The following CFLAR variants were observed in gnomAD, a reference collection of about 807,000 sequenced individuals.
CFLAR encodes CASP8 and FADD like apoptosis regulator.
A neutral mutation model predicts 51.1 loss-of-function variants in CFLAR; 14 were observed. The ratio of observed to expected loss-of-function variants is 0.27; its 90% CI spans 0.18 to 0.43. CFLAR has a LOEUF of 0.43. CFLAR is among the 20% of genes least tolerant of loss of function. The pLI is 1.00. For synonymous variants in CFLAR, 210 were observed against 211.6 expected (o/e 0.99, Z 0.06); for missense variants, 390 against 566.5 (o/e 0.69, Z 3.16).
At chr2:201,145,525 C>G in intron 6 of CFLAR, 93 bp downstream of exon 6, 1 of 810,582 alleles carries the variant, frequency 1.2e-6, no homozygotes, top group Non-Finnish European at 2.1e-6. Context: ...TTTCCTTTAT[C>G]TACATAATCT....
chr2:201,126,583 G>A (rs1371864233), intron 1 of CFLAR, among the ~76,000 whole-genome samples: 1 of 152,164 alleles, frequency 6.6e-6, no homozygotes, highest in Non-Finnish European at 1.5e-5. Context: ...TAAAAACAAG[G>A]TTGGGCATTA....
chr2:201,135,449 A>G (rs1207973433), intron 3 of CFLAR, among the ~76,000 whole-genome samples: 1 of 152,204 alleles, frequency 6.6e-6, no homozygotes, highest in Admixed American at 6.5e-5. Flanking sequence ...CAAGGAGCAG[A>G]TTGATGACCA....
intron 8 of CFLAR, chr2:201,151,123 T>G (rs1941211616): frequency 6.6e-6 from 1 of 152,232 alleles, no homozygotes; most frequent in Non-Finnish European, 1.5e-5. Flanking sequence ...TTCTGAGCTG[T>G]GTCAGTCAGT....
At chr2:201,149,363 G>T in intron 7 of CFLAR, 1 of 303,220 alleles carries the variant, frequency 3.3e-6, no homozygotes, top group Non-Finnish European at 6.2e-6. Flanking sequence ...TTTTTCTTAG[G>T]TTGACACCTC....
intron 5 of CFLAR, chr2:201,140,653 A>G: frequency 2.1e-6 from 1 of 482,420 alleles, no homozygotes; most frequent in Non-Finnish European, 3.6e-6. Context: ...ATAAAAGAAA[A>G]TAAATCACCT....
rs897050569 is a variant in CFLAR at position 201,167,305 on chromosome 2, A to T, written c.*3332A>T. 6.6e-6 allele frequency: 1 copy of T among 152,358 alleles called. No individual in the cohort carries two copies. The highest frequency in any genetic ancestry group is 2.4e-5 in the African/African-American group (1 of 41,324). The allele number at this position is 152,358 out of a possible 1,614,324, so 9.4% of individuals were successfully genotyped here. A position where few individuals can be genotyped will look rare whatever the true frequency, so the allele number is the denominator to read the frequency against. ...GATCACTTGAGCCCAGGAGTTTGAG[A>T]CCAGCCTGGGCAACATAGCAAGACT... is the stretch of plus-strand genomic sequence containing the variant. On this transcript the variant is annotated 3_prime_UTR_variant, in exon 10 of 10. Transcript: ENST00000309955.
intron 3 of CFLAR, 42 bp downstream of exon 3, chr2:201,133,176 A>G (rs951428355): frequency 2.1e-6 from 3 of 1,440,486 alleles, no homozygotes; most frequent in African/African-American, 2.8e-5. Flanking sequence ...GGAGCCTATC[A>G]GAAGTGGGAG....
chr2:201,149,592 A>G (rs1055081259), intron 7 of CFLAR, 162 bp from the exon 8 acceptor site: 1 of 548,960 alleles, frequency 1.8e-6, no homozygotes, highest in African/African-American at 1.9e-5. Context: ...GAAAAATTTG[A>G]TATTAATGGG....
chr2:201,136,422 T>C, intron 4 of CFLAR: 1 of 1,598,440 alleles, frequency 6.3e-7, no homozygotes, highest in Non-Finnish European at 8.5e-7. Flanking sequence ...TTTGCATGTA[T>C]GCTGAACCCT....
chr2:201,141,300 G>A, intron 5 of CFLAR: 1 of 1,504,798 alleles, frequency 6.6e-7, no homozygotes, highest in South Asian at 1.3e-5. Flanking sequence ...CAGCTGTTGT[G>A]AACTAGTTCA....
chr2:201,160,837 A>C lies in CFLAR; in HGVS notation c.1199A>C (p.Asp400Ala). The change falls in exon 9 of 10, where the codon GAC becomes GCC. Residue 400 changes from aspartate (D) to alanine (A), a missense_variant. Transcript: ENST00000309955. ...RGLCTVHREA[D>A]FFWSLCTADM... ...CTGTGCACAGTTCACCGAGAAGCTG[A>C]CTTCTTCTGGAGCCTGTGTACTGCG... 1 of 1,613,832 alleles carries C rather than the reference A, an allele frequency of 6.2e-7. No individual in the cohort carries two copies. Among genetic ancestry groups the C allele is most frequent in the Non-Finnish European group, 8.5e-7 (1 of 1,179,838 alleles).
At chr2:201,125,793 G>A (rs1455073481) in intron 1 of CFLAR, among the ~76,000 whole-genome samples, 1 of 152,138 alleles carries the variant, frequency 6.6e-6, no homozygotes, top group Non-Finnish European at 1.5e-5. Flanking sequence ...GTGTGGTGGT[G>A]AGTAGTTTTC....
chr2:201,161,190 A>T (rs1942948359), intron 9 of CFLAR, among the ~76,000 whole-genome samples: 1 of 152,162 alleles, frequency 6.6e-6, no homozygotes, highest in Admixed American at 6.6e-5. Context: ...TGGGCAACAA[A>T]GTGAGAACTT....
At chr2:201,140,035 C>T (rs1938219019) in intron 4 of CFLAR, 1 of 311,438 alleles carries the variant, frequency 3.2e-6, no homozygotes. Flanking sequence ...CATGCTGCCG[C>T]GAGACCCCGC....
chr2:201,142,136 C>T (rs926557958), intron 5 of CFLAR, among the ~76,000 whole-genome samples: 2 of 151,898 alleles, frequency 1.3e-5, no homozygotes, highest in Non-Finnish European at 2.9e-5. Flanking sequence ...ATTAGCTGGG[C>T]ATGATGGTGT....
chr2:201,117,151 G>C (rs1268204865), intron 1 of CFLAR: 1 of 152,192 alleles, frequency 6.6e-6, no homozygotes, highest in African/African-American at 2.4e-5. Flanking sequence ...TGGTCAGGGC[G>C]GTTATTTTCC....
At chr2:201,126,864 G>A (rs2048764183) in intron 1 of CFLAR, among the ~76,000 whole-genome samples, 2 of 152,204 alleles carry the variant, frequency 1.3e-5, no homozygotes, top group Non-Finnish European at 2.9e-5. Context: ...ACTCTGACTT[G>A]CCTAAGCTTT....
chr2:201,162,765 A>G (rs1943188773), intron 9 of CFLAR: 1 of 397,952 alleles, frequency 2.5e-6, no homozygotes, highest in Non-Finnish European at 4.7e-6. Context: ...GCCTGCCATC[A>G]CTTTATAACC....
intron 1 of CFLAR, among the ~76,000 whole-genome samples, chr2:201,120,188 AT>A (rs397871722): frequency 0.014 from 1,799 of 130,322 alleles, 29 homozygotes; most frequent in African/African-American, 0.042. Context: ...ACCCAGCTAC[AT>A]TTTTTTTTTT....
Sources: gnomAD v4.1 joint callset for allele counts (sites outside exome capture counted in the v4.1 genomes callset) on GRCh38, gnomAD v4.1.1 for gene constraint, MANE v1.5 for transcripts, NCBI Gene and HGNC (gene_info 2026-07-23, HGNC 2026-07-21) for gene names.